Variants in TLL2 observed in about 807,000 individuals in gnomAD.
TLL2 encodes tolloid like 2, also known as tolloid-like protein 2.
A neutral mutation model predicts 123.0 loss-of-function variants in TLL2; 106 were observed. The ratio of observed to expected loss-of-function variants is 0.86; its 90% CI spans 0.74 to 1.01. TLL2 has a LOEUF of 1.01. Ranked by LOEUF, TLL2 falls within the 50% of genes least tolerant of loss-of-function variation. The pLI is 0.00. For missense variants in TLL2, 1,332 were observed against 1,336.7 expected (o/e 1.00, Z 0.06); for synonymous variants, 494 against 516.8 (o/e 0.96, Z 0.60).
At chr10:96,444,212 C>T (rs1846874424) in intron 3 of TLL2, among the ~76,000 whole-genome samples, 1 of 152,220 alleles carries the variant, frequency 6.6e-6, no homozygotes, top group Admixed American at 6.5e-5. Flanking sequence ...AATTGTTACA[C>T]CTTTTGAAAC....
chr10:96,442,794 T>G (rs1296278477), intron 3 of TLL2, among the ~76,000 whole-genome samples: 1 of 152,230 alleles, frequency 6.6e-6, no homozygotes, highest in Non-Finnish European at 1.5e-5. Context: ...ATGCAGCTGT[T>G]GCACAGCTGT....
chr10:96,384,453 C>G (rs1158418670), intron 16 of TLL2, 134 bp downstream of exon 16: 4 of 922,920 alleles, frequency 4.3e-6, no homozygotes, highest in Non-Finnish European at 6.2e-6. Flanking sequence ...GGCACGCCCC[C>G]TCCAAGGCAG....
At chr10:96,427,701 T>C (rs548048116) in intron 5 of TLL2, among the ~76,000 whole-genome samples, 1 of 152,360 alleles carries the variant, frequency 6.6e-6, no homozygotes, top group African/African-American at 2.4e-5. Flanking sequence ...GCTTCTTTCC[T>C]TTTACTTTTA....
At chr10:96,482,520 C>T (rs1380680157) in intron 1 of TLL2, among the ~76,000 whole-genome samples, 1 of 152,200 alleles carries the variant, frequency 6.6e-6, no homozygotes, top group African/African-American at 2.4e-5. Flanking sequence ...TAGACACAGG[C>T]TCCAACGTGT....
chr10:96,368,210 T>G lies in TLL2; in HGVS notation c.2926A>C (p.Ile976Leu). ...RFCGSGPLEE[I>L]YSAGDSLMIR... is the part of the protein sequence containing the mutation. ...ATCAGGGAATCACCTGCAGAGTAGA[T>G]TTCTTCTAATGGCTGAGGAAAGGAG... Residue 976 changes from isoleucine to leucine, a missense_variant, in exon 21 of 21, where the codon ATC (isoleucine) becomes CTC (leucine). Transcript: ENST00000357947. The G allele has an allele frequency of 1.2e-6, 2 of 1,614,098 alleles. No individual in the cohort carries two copies. Among genetic ancestry groups the G allele is most frequent in the South Asian group, 2.2e-5 (2 of 91,074 alleles).
intron 19 of TLL2, 26 bp from the exon 20 acceptor site, chr10:96,370,341 C>T: frequency 1.3e-6 from 2 of 1,535,922 alleles, no homozygotes; most frequent in Non-Finnish European, 1.8e-6. Flanking sequence ...GTGAGATGTC[C>T]CCTCAGCACA....
chr10:96,434,766 G>A (rs1327961960), intron 3 of TLL2, among the ~76,000 whole-genome samples: 1 of 152,172 alleles, frequency 6.6e-6, no homozygotes, highest in Non-Finnish European at 1.5e-5. Context: ...CTACCAGACT[G>A]TTTTTCAAAA....
chr10:96,484,466 T>C (rs1489177363), intron 1 of TLL2, among the ~76,000 whole-genome samples: 1 of 152,168 alleles, frequency 6.6e-6, no homozygotes, highest in East Asian at 1.9e-4. Context: ...ATTCATATTC[T>C]GGCTTTGGCA....
Position 96,433,090 on chromosome 10 carries a change from G to T in TLL2, c.365-128C>A. The T allele has an allele frequency of 5.4e-6, 7 of 1,304,996 alleles. No individual in the cohort carries two copies. The South Asian group carries it at 1.1e-4, about 20-fold the overall frequency. 80.8% of individuals were successfully genotyped at this position (1,304,996 alleles called of 1,614,324 possible). On this transcript the variant is annotated intron_variant, in intron 3 of 20. Coordinates refer to ENST00000357947, the MANE Select transcript of TLL2 (RefSeq NM_012465.4). ...ATGTTCCAAAGGGGCTATTTCATCAGTTCAGGGTTTGGAAGCCCTGGGTGG... is the reference window on the plus strand; with the variant it reads ...ATGTTCCAAAGGGGCTATTTCATCATTTCAGGGTTTGGAAGCCCTGGGTGG...
rs1177648173 is a variant in TLL2 at position 96,410,644 on chromosome 10, A to G, written c.1049-170T>C. The G allele has an allele frequency of 5.8e-6, 4 of 692,990 alleles. No homozygotes were observed. The African/African-American group carries it at 7.0e-5, about 12-fold the overall frequency. The allele number at this position is 692,990 out of a possible 1,614,324, so 42.9% of individuals were successfully genotyped here. ...GATGTTTTCTGGCTAACAAAAGCAC[A>G]AGTAGGACCTAGGAGTCAAAAAGGA... On this transcript the variant is annotated intron_variant, in intron 8 of 20. Transcript: ENST00000357947.
chr10:96,491,999 C>A (rs889689249), intron 1 of TLL2, among the ~76,000 whole-genome samples: 1 of 152,104 alleles, frequency 6.6e-6, no homozygotes, highest in African/African-American at 2.4e-5. Flanking sequence ...CAAAAGATAA[C>A]CATGATCTGA....
chr10:96,410,732 G>T, intron 8 of TLL2: 1 of 571,100 alleles, frequency 1.8e-6, no homozygotes, highest in Non-Finnish European at 3.3e-6. Context: ...ATGAATCTTA[G>T]CTCTCTGGCC....
intron 4 of TLL2, among the ~76,000 whole-genome samples, chr10:96,431,571 C>T (rs1036623765): frequency 2.0e-5 from 3 of 152,068 alleles, no homozygotes; most frequent in Admixed American, 6.5e-5. Flanking sequence ...TGACATTGGC[C>T]GCAGGTACGC....
chr10:96,458,033 G>C (rs1325337026), intron 2 of TLL2, among the ~76,000 whole-genome samples: 6 of 152,284 alleles, frequency 3.9e-5, no homozygotes, highest in Admixed American at 2.0e-4. Flanking sequence ...GCCTATAAGA[G>C]GTGGTGGCTG....
intron 11 of TLL2, among the ~76,000 whole-genome samples, chr10:96,396,564 T>C (rs1422083659): frequency 1.3e-5 from 2 of 150,876 alleles, no homozygotes; most frequent in Non-Finnish European, 2.9e-5. Context: ...GGTAATTTTC[T>C]GGTAGTTTTC....
At chr10:96,467,495 A>C (rs1421754142) in intron 2 of TLL2, among the ~76,000 whole-genome samples, 1 of 152,144 alleles carries the variant, frequency 6.6e-6, no homozygotes, top group Non-Finnish European at 1.5e-5. Context: ...AGCCTCCCAA[A>C]GTGCTGGGAT....
chr10:96,479,575 C>A (rs1847291019), intron 2 of TLL2, among the ~76,000 whole-genome samples: 1 of 152,250 alleles, frequency 6.6e-6, no homozygotes, highest in Non-Finnish European at 1.5e-5. Context: ...CCCAAGGGCA[C>A]CTGGTGGGCT....
intron 3 of TLL2, among the ~76,000 whole-genome samples, chr10:96,441,831 A>C (rs542773988): frequency 3.7e-4 from 57 of 152,340 alleles, no homozygotes; most frequent in African/African-American, 1.3e-3. Flanking sequence ...ACACCCAAGT[A>C]AACTGACGTA....
intron 2 of TLL2, among the ~76,000 whole-genome samples, chr10:96,446,501 C>T (rs879635583): frequency 1.1e-4 from 14 of 132,360 alleles, no homozygotes; most frequent in Admixed American, 6.3e-4. Flanking sequence ...GCGCCCCCCA[C>T]CTCCATAAGA....
Sources: gnomAD v4.1 joint callset for allele counts (sites outside exome capture counted in the v4.1 genomes callset) on GRCh38, gnomAD v4.1.1 for gene constraint, MANE v1.5 for transcripts, NCBI Gene and HGNC (gene_info 2026-07-23, HGNC 2026-07-21) for gene names.